Variants in PCDHA2 observed in about 807,000 individuals in gnomAD.
PCDHA2 encodes protocadherin alpha-2.
In PCDHA2, 58 loss-of-function variants were observed where a neutral mutation model predicts 66.0. The ratio of observed to expected loss-of-function variants is 0.88; its 90% confidence interval spans 0.71 to 1.09. PCDHA2 has a LOEUF of 1.09. Ranked by LOEUF, PCDHA2 falls within the 50% of genes least tolerant of loss-of-function variation. The pLI is 0.00. For missense variants in PCDHA2, 1,267 were observed against 1,242.3 expected (o/e 1.02, Z -0.30); for synonymous variants, 634 against 554.0 (o/e 1.14, Z -2.03).
In PCDHA2 at chr5:140,810,968, A is replaced by G. The variant is rs537328519; in HGVS notation, c.2388+13616A>G. ...CATTTGGAATATACATATTTTTATC[A>G]TTGTTGTGAGGTAGGGGTCAAGATT... On this transcript the variant is annotated intron_variant, in intron 1 of 3. Coordinates refer to ENST00000526136, the MANE Select transcript of PCDHA2 (RefSeq NM_018905.3). 3.9e-5 allele frequency: 6 copies of G among 152,058 alleles called. No individual in the cohort carries two copies. The South Asian group carries it at 1.3e-3, about 32-fold the overall frequency. The allele number at this position is 152,058 out of a possible 1,614,324, so 9.4% of individuals were successfully genotyped here.
chr5:141,008,999 G>A (rs1389698923), intron 3 of PCDHA2, among the ~76,000 whole-genome samples: 1 of 152,200 alleles, frequency 6.6e-6, no homozygotes, highest in African/African-American at 2.4e-5. Context: ...ACTAAAAGGA[G>A]CATATTTTGC....
chr5:140,823,090 A>C, intron 1 of PCDHA2: 1 of 1,614,038 alleles, frequency 6.2e-7, no homozygotes, highest in Non-Finnish European at 8.5e-7. Flanking sequence ...GGCCACCGCC[A>C]GCGTGTCTGT....
At chr5:140,823,716 G>T (rs2150128476) in intron 1 of PCDHA2, 2 of 1,613,960 alleles carry the variant, frequency 1.2e-6, no homozygotes, top group Admixed American at 3.3e-5. Flanking sequence ...ACCGCCTTCT[G>T]GTGCTGGTGA....
chr5:140,834,395 G>C, intron 1 of PCDHA2: 1 of 1,598,712 alleles, frequency 6.3e-7, no homozygotes, highest in Non-Finnish European at 8.5e-7. Flanking sequence ...TGGTGTGCCC[G>C]AATGGATACG....
intron 1 of PCDHA2, chr5:140,865,080 G>A (rs1166926722): frequency 6.6e-6 from 1 of 152,010 alleles, no homozygotes; most frequent in Non-Finnish European, 1.5e-5. Context: ...AAGAACCATG[G>A]GATATTAATA....
At position 140,795,537 on chromosome 5, in the gene PCDHA2, T is replaced by C; in HGVS notation, c.573T>C (p.Ser191=). The C allele has an allele frequency of 1.2e-6, 2 of 1,614,128 alleles. No individual in the cohort carries two copies. Among genetic ancestry groups the C allele is most frequent in the Non-Finnish European group, 1.7e-6 (2 of 1,180,032 alleles). ...DIQANDELSE[S]LSLVLGKSLD... ...AGGCAAATGATGAACTAAGCGAATC[T>C]TTGTCTCTCGTGCTGGGGAAATCGC... Residue 191 remains serine (S), a synonymous_variant, in exon 1 of 4, where the codon TCT becomes TCC. Coordinates refer to ENST00000526136, the MANE Select transcript of PCDHA2 (RefSeq NM_018905.3).
chr5:140,936,272 C>T lies in PCDHA2; in HGVS notation c.2389-42677C>T, dbSNP rs1303356923. 2.0e-5 allele frequency among the ~76,000 whole-genome samples: 3 copies of T among 152,254 alleles called. No individual in the cohort carries two copies. In the East Asian group the frequency reaches 5.8e-4, roughly 29 times the overall value. On this transcript the variant is annotated intron_variant, in intron 1 of 3. Transcript: ENST00000526136. Reference sequence around the variant, plus strand: ...TGCTTCAAGTCATGAAGATATATTCCTGTGTTTTCTTCTATAACATTGCTA... The same window carrying T: ...TGCTTCAAGTCATGAAGATATATTCTTGTGTTTTCTTCTATAACATTGCTA...
chr5:140,850,615 T>C, intron 1 of PCDHA2: 1 of 1,598,228 alleles, frequency 6.3e-7, no homozygotes, highest in Non-Finnish European at 8.6e-7. Flanking sequence ...ATCTGCGCGG[T>C]GTCTAGCCTG....
intron 1 of PCDHA2, chr5:140,808,856 G>A (rs1764280516): frequency 6.2e-7 from 1 of 1,613,126 alleles, no homozygotes; most frequent in African/African-American, 1.3e-5. Flanking sequence ...GTTCGTGCTG[G>A]ACGAAAACGA....
chr5:140,945,678 C>T (rs2093827274), intron 1 of PCDHA2, among the ~76,000 whole-genome samples: 1 of 152,078 alleles, frequency 6.6e-6, no homozygotes, highest in Non-Finnish European at 1.5e-5. Context: ...AATAAATCCA[C>T]ACAGTTACTG....
At chr5:140,934,365 A>T (rs2089794268) in intron 1 of PCDHA2, among the ~76,000 whole-genome samples, 1 of 151,884 alleles carries the variant, frequency 6.6e-6, no homozygotes, top group Non-Finnish European at 1.5e-5. Context: ...CACTGCTTTG[A>T]CTCCTTCTGT....
intron 1 of PCDHA2, chr5:140,967,813 C>T (rs12153295): frequency 0.14 from 229,585 of 1,614,060 alleles, 17,281 homozygotes; most frequent in Middle Eastern, 0.18. Context: ...CAGGTCACTG[C>T]AAGGTGCTGG....
In PCDHA2 at chr5:140,822,752, C is replaced by A. The variant is rs200831175; in HGVS notation, c.2388+25400C>A. The A allele has an allele frequency of 8.1e-5, 131 of 1,613,696 alleles. No individual in the cohort carries two copies. In the African/African-American group the frequency reaches 1.6e-3, roughly 20 times the overall value. ...AATATTGATGCCATGGATAAAAGTA[C>A]ATTCCCATTATCAGGACACTGTAAA... On this transcript the variant is annotated intron_variant, in intron 1 of 3. Coordinates refer to ENST00000526136, the MANE Select transcript of PCDHA2 (RefSeq NM_018905.3).
chr5:140,827,764 A>G (rs1376837793), intron 1 of PCDHA2, among the ~76,000 whole-genome samples: 1 of 152,256 alleles, frequency 6.6e-6, no homozygotes, highest in Non-Finnish European at 1.5e-5. Context: ...TTAAATTAAT[A>G]AAAGAAGTCG....
rs183321523 is a variant in PCDHA2 at position 140,948,382 on chromosome 5, A to G, written c.2389-30567A>G. Among the ~76,000 whole-genome samples the G allele has an allele frequency of 1.2e-3, 182 of 151,516 alleles. 1 individual carries two copies. Among genetic ancestry groups the G allele is most frequent in the African/African-American group, 3.9e-3 (163 of 41,496 alleles). ...TGACTTAGGAGGTGTTCCTTCCTCT[A>G]TTTTCTGAAAGGTTGTGTAATATTG... On this transcript the variant is annotated intron_variant, in intron 1 of 3. Coordinates refer to ENST00000526136, the MANE Select transcript of PCDHA2 (RefSeq NM_018905.3).
intron 3 of PCDHA2, among the ~76,000 whole-genome samples, chr5:141,006,559 T>C (rs2098278096): frequency 6.6e-6 from 1 of 152,134 alleles, no homozygotes; most frequent in East Asian, 1.9e-4. Flanking sequence ...TAAAGATGAC[T>C]CTGGCTACTG....
intron 1 of PCDHA2, chr5:140,876,965 G>C (rs1554169161): frequency 1.9e-6 from 3 of 1,612,976 alleles, no homozygotes; most frequent in East Asian, 2.2e-5. Flanking sequence ...GTGGAGCGGC[G>C]GGTGGGCGAG....
At chr5:140,862,076 C>A (rs782160778) in intron 1 of PCDHA2, 1 of 157,430 alleles carries the variant, frequency 6.4e-6, no homozygotes, top group Non-Finnish European at 1.4e-5. Context: ...TCTCCCCTAA[C>A]ATAGAAGCCC....
chr5:141,002,841 G>T (rs2098098318), intron 3 of PCDHA2, among the ~76,000 whole-genome samples: 1 of 152,196 alleles, frequency 6.6e-6, no homozygotes, highest in African/African-American at 2.4e-5. Flanking sequence ...CCAGGACTAT[G>T]CACTAGTGAG....
Sources: gnomAD v4.1 joint callset for allele counts (sites outside exome capture counted in the v4.1 genomes callset) on GRCh38, gnomAD v4.1.1 for gene constraint, MANE v1.5 for transcripts, NCBI Gene and HGNC (gene_info 2026-07-23, HGNC 2026-07-21) for gene names.